DLG1: variants seen among roughly 807,000 people sequenced by gnomAD.
DLG1 encodes the protein discs large MAGUK scaffold protein 1, also known as disks large homolog 1.
A neutral mutation model predicts 123.4 loss-of-function variants in DLG1; 42 were observed. The observed-to-expected ratio is 0.34, with a 90% CI of 0.27 to 0.44. The LOEUF (loss-of-function observed/expected upper bound fraction) is 0.44, where lower values mean the gene tolerates loss of function less well. Ranked by LOEUF, DLG1 falls within the 20% of genes least tolerant of loss-of-function variation. The pLI is 1.00. For synonymous variants in DLG1, 317 were observed against 356.2 expected (o/e 0.89, Z 1.24); for missense variants, 942 against 1,082.6 (o/e 0.87, Z 1.82).
chr3:197,181,430 G>A (rs1203518952), intron 5 of DLG1, among the ~76,000 whole-genome samples: 1 of 152,052 alleles, frequency 6.6e-6, no homozygotes, highest in Non-Finnish European at 1.5e-5. Flanking sequence ...TATATTATAT[G>A]CTCTAAGTAT....
At chr3:197,060,495 C>T (rs573609510) in intron 22 of DLG1, among the ~76,000 whole-genome samples, 1 of 152,264 alleles carries the variant, frequency 6.6e-6, no homozygotes, top group Admixed American at 6.5e-5. Context: ...ACTACCATCT[C>T]CCCATAGCTA....
At chr3:197,096,806 G>C (rs1345055794) in intron 14 of DLG1, among the ~76,000 whole-genome samples, 1 of 152,054 alleles carries the variant, frequency 6.6e-6, no homozygotes, top group African/African-American at 2.4e-5. Flanking sequence ...TAAACTATAT[G>C]TCTTTCTGGT....
chr3:197,066,591 G>T lies in DLG1; in HGVS notation c.2098+113C>A. 9.4e-6 allele frequency: 6 copies of T among 637,560 alleles called. No homozygotes were observed. The Admixed American group carries it at 1.7e-4, about 18-fold the overall frequency. 39.5% of individuals were successfully genotyped at this position (637,560 alleles called of 1,614,324 possible). A position where few individuals can be genotyped will look rare whatever the true frequency, so the allele number is the denominator to read the frequency against. On this transcript the variant is annotated intron_variant, in intron 20 of 24. Transcript: ENST00000667157. ...ATGTAGTAAATTTCTACATGTATAT[G>T]TAGTAAAAAAAAATTTTAATACAAC...
At chr3:197,256,955 T>A (rs925139598) in intron 4 of DLG1, among the ~76,000 whole-genome samples, 2 of 145,414 alleles carry the variant, frequency 1.4e-5, no homozygotes, top group Non-Finnish European at 3.1e-5. Context: ...TTCAACACAG[T>A]AATATGATCT....
intron 4 of DLG1, among the ~76,000 whole-genome samples, chr3:197,238,581 A>ACACC (rs1209395893): frequency 6.6e-6 from 1 of 152,226 alleles, no homozygotes; most frequent in Non-Finnish European, 1.5e-5. Flanking sequence ...GATCTGTGAG[A>ACACC]CACCATACAG....
In DLG1 at chr3:197,138,546, C is replaced by A. The variant is rs1417529042; in HGVS notation, c.714-155G>T. 2.0e-5 allele frequency among the ~76,000 whole-genome samples: 3 copies of A among 151,212 alleles called. No homozygotes were observed. The South Asian group carries it at 6.2e-4, about 31-fold the overall frequency. On this transcript the variant is annotated intron_variant, in intron 8 of 24. Transcript: ENST00000667157. The stretch of plus-strand genomic sequence containing the variant: ...GAAAACATAAATGAAGAAAGTATAT[C>A]AAAAACTAATATAAACAAATACAAA...
chr3:197,190,502 A>AT (rs1454376846), intron 5 of DLG1, among the ~76,000 whole-genome samples: 1 of 152,192 alleles, frequency 6.6e-6, no homozygotes, highest in African/African-American at 2.4e-5. Flanking sequence ...TCATCCGCAT[A>AT]TAAGTGGAGC....
At chr3:197,256,873 A>T (rs962937809) in intron 4 of DLG1, among the ~76,000 whole-genome samples, 2 of 152,204 alleles carry the variant, frequency 1.3e-5, no homozygotes, top group Admixed American at 1.3e-4. Context: ...ATTTAATAGT[A>T]GTTAGCATTA....
At chr3:197,115,337 AAGAAG>A (rs1772623461) in intron 13 of DLG1, among the ~76,000 whole-genome samples, 1 of 152,158 alleles carries the variant, frequency 6.6e-6, no homozygotes, top group Non-Finnish European at 1.5e-5. Context: ...AATTGAAAGT[AAGAAG>A]AGGAGAAAAG....
At chr3:197,114,289 C>A (rs910232251) in intron 13 of DLG1, among the ~76,000 whole-genome samples, 3 of 152,142 alleles carry the variant, frequency 2.0e-5, no homozygotes, top group Admixed American at 6.5e-5. Context: ...TAGACATCGA[C>A]AAAGTTTCAC....
At chr3:197,167,193 T>C (rs1197140491) in intron 5 of DLG1, among the ~76,000 whole-genome samples, 1 of 151,910 alleles carries the variant, frequency 6.6e-6, no homozygotes, top group Non-Finnish European at 1.5e-5. Flanking sequence ...AATAAATAAA[T>C]GAAGATAAGA....
intron 22 of DLG1, among the ~76,000 whole-genome samples, chr3:197,062,608 C>T (rs1736631692): frequency 6.6e-6 from 1 of 152,060 alleles, no homozygotes; most frequent in South Asian, 2.1e-4. Context: ...CCTTATTTTT[C>T]TGGCAGCAAA....
chr3:197,114,757 A>C (rs1772142357), intron 13 of DLG1, among the ~76,000 whole-genome samples: 1 of 152,054 alleles, frequency 6.6e-6, no homozygotes, highest in Non-Finnish European at 1.5e-5. Context: ...CCGAGGTGGG[A>C]GGATCACGAG....
chr3:197,263,246 G>C (rs557302978), intron 4 of DLG1, among the ~76,000 whole-genome samples: 1 of 152,242 alleles, frequency 6.6e-6, no homozygotes, highest in South Asian at 2.1e-4. Context: ...GAGAGGGCAG[G>C]CATCCCTAAG....
chr3:197,238,446 A>C (rs1203337760), intron 4 of DLG1, among the ~76,000 whole-genome samples: 1 of 152,224 alleles, frequency 6.6e-6, no homozygotes, highest in Non-Finnish European at 1.5e-5. Context: ...AGAAAGTCTA[A>C]GCAAAGAAAT....
intron 24 of DLG1, among the ~76,000 whole-genome samples, chr3:197,050,804 A>G (rs1560314076): frequency 6.6e-6 from 1 of 152,240 alleles, no homozygotes; most frequent in African/African-American, 2.4e-5. Flanking sequence ...CTACACACAC[A>G]AAATGGTAAC....
intron 4 of DLG1, among the ~76,000 whole-genome samples, chr3:197,277,487 C>T (rs759981101): frequency 6.6e-6 from 1 of 152,062 alleles, no homozygotes; most frequent in African/African-American, 2.4e-5. Flanking sequence ...ACCACAGGCA[C>T]GCACCACCAC....
intron 5 of DLG1, among the ~76,000 whole-genome samples, chr3:197,154,924 A>G (rs576587279): frequency 2.9e-4 from 44 of 152,244 alleles, no homozygotes; most frequent in African/African-American, 9.9e-4. Context: ...AAGTGAACAG[A>G]ACCTAAGGGA....
chr3:197,262,439 C>T (rs1213400094), intron 4 of DLG1, among the ~76,000 whole-genome samples: 1 of 152,186 alleles, frequency 6.6e-6, no homozygotes, highest in African/African-American at 2.4e-5. Context: ...TCCTTTATAA[C>T]ATCTTTTATA....
Sources: gnomAD v4.1 joint callset for allele counts (sites outside exome capture counted in the v4.1 genomes callset) on GRCh38, gnomAD v4.1.1 for gene constraint, MANE v1.5 for transcripts, NCBI Gene and HGNC (gene_info 2026-07-23, HGNC 2026-07-21) for gene names.